Variants in SLC25A26 observed in about 807,000 individuals in gnomAD.
SLC25A26 encodes mitochondrial S-adenosylmethionine carrier protein.
SLC25A26 carries 36 observed loss-of-function variants against 37.8 expected under a neutral mutation model. That is an observed-to-expected ratio of 0.95 (90% CI 0.73 to 1.26). The LOEUF (loss-of-function observed/expected upper bound fraction) is 1.26. Among genes scored for constraint, SLC25A26 ranks in the 50% most tolerant of loss-of-function variants. SLC25A26 has a pLI of 0.00. For missense variants in SLC25A26, 390 were observed against 331.1 expected (o/e 1.18, Z -1.38); for synonymous variants, 129 against 122.5 (o/e 1.05, Z -0.35).
At chr3:66,138,311 A>C (rs1217900572) in intron 1 of SLC25A26, among the ~76,000 whole-genome samples, 1 of 152,172 alleles carries the variant, frequency 6.6e-6, no homozygotes, top group Non-Finnish European at 1.5e-5. Context: ...GAAGAAAAAA[A>C]TCATCCCACA....
At chr3:66,370,936 A>G (rs898159721) in intron 9 of SLC25A26, among the ~76,000 whole-genome samples, 1 of 152,188 alleles carries the variant, frequency 6.6e-6, no homozygotes, top group African/African-American at 2.4e-5. Flanking sequence ...TGAAGGGAAC[A>G]TTGTTAGAAG....
At chr3:66,331,309 G>T (rs748214288) in intron 5 of SLC25A26, among the ~76,000 whole-genome samples, 1 of 152,026 alleles carries the variant, frequency 6.6e-6, no homozygotes, top group Non-Finnish European at 1.5e-5. Context: ...TCCCTAGGTA[G>T]TTTGAATTTG....
intron 5 of SLC25A26, among the ~76,000 whole-genome samples, chr3:66,285,947 C>T (rs2074498861): frequency 6.6e-6 from 1 of 152,186 alleles, no homozygotes; most frequent in Non-Finnish European, 1.5e-5. Flanking sequence ...TTTTAATTTT[C>T]AGTTCCCTAA....
chr3:66,273,223 A>G (rs568092462), intron 5 of SLC25A26, among the ~76,000 whole-genome samples: 30 of 152,118 alleles, frequency 2.0e-4, no homozygotes, highest in Admixed American at 1.3e-3. Flanking sequence ...TTTTGCGTCA[A>G]TGTGCATCAA....
chr3:66,176,146 A>G (rs2070583722), intron 1 of SLC25A26, among the ~76,000 whole-genome samples: 1 of 152,158 alleles, frequency 6.6e-6, no homozygotes, highest in South Asian at 2.1e-4. Context: ...TGAAATTGGT[A>G]CCCTACCCAG....
chr3:66,345,535 C>T (rs114616249), intron 5 of SLC25A26, among the ~76,000 whole-genome samples: 7,181 of 150,490 alleles, frequency 0.048, 227 homozygotes, highest in Non-Finnish European at 0.073. Context: ...TCCCCTCCTT[C>T]CTGCTTCCTT....
intron 7 of SLC25A26, among the ~76,000 whole-genome samples, chr3:66,363,304 A>T (rs1291163913): frequency 6.6e-6 from 1 of 152,166 alleles, no homozygotes; most frequent in Non-Finnish European, 1.5e-5. Flanking sequence ...GGTTTAAGCG[A>T]TTTCTGCAGA....
At chr3:66,272,997 C>G (rs1341368771) in intron 5 of SLC25A26, among the ~76,000 whole-genome samples, 3 of 152,122 alleles carry the variant, frequency 2.0e-5, no homozygotes, top group Non-Finnish European at 4.4e-5. Flanking sequence ...GAGTTTTTAG[C>G]ATGAAGGGTT....
At chr3:66,367,707 CAGAGAGAGAG>C (rs71616221) in intron 7 of SLC25A26, among the ~76,000 whole-genome samples, 24 of 136,836 alleles carry the variant, frequency 1.8e-4, no homozygotes, top group Admixed American at 3.5e-4. Context: ...CAGACAGACA[CAGAGAGAGAG>C]AGAGAGAGAG....
At chr3:66,370,029 C>A (rs937857327) in intron 8 of SLC25A26, among the ~76,000 whole-genome samples, 6 of 152,050 alleles carry the variant, frequency 3.9e-5, no homozygotes, top group African/African-American at 1.4e-4. Flanking sequence ...CTGAACTGAA[C>A]CAAAACAAAA....
At position 66,340,953 on chromosome 3, in the gene SLC25A26, A is replaced by ATG. The variant is rs142179974; in HGVS notation, c.454-5397_454-5396dup. On this transcript the variant is annotated intron_variant, in intron 5 of 9. Coordinates refer to ENST00000354883, the MANE Select transcript of SLC25A26 (RefSeq NM_001379210.1). ...AGAAATTCTGTTGGAGAGAGAGAGAATGTGTGTGTGTGTGTTGATTCCTTA... is the reference window on the plus strand; with the variant it reads ...AGAAATTCTGTTGGAGAGAGAGAGAATGTGTGTGTGTGTGTGTTGATTCCTTA... Among the ~76,000 whole-genome samples the ATG allele has an allele frequency of 8.5e-3, 1,294 of 151,564 alleles. 11 individuals are homozygous for ATG. Among genetic ancestry groups the ATG allele is most frequent in the African/African-American group, 0.028 (1,160 of 41,416 alleles).
intron 1 of SLC25A26, among the ~76,000 whole-genome samples, chr3:66,201,656 A>G (rs2071111774): frequency 6.6e-6 from 1 of 152,218 alleles, no homozygotes; most frequent in Non-Finnish European, 1.5e-5. Flanking sequence ...CTAGATAGAT[A>G]GACTCTGTTT....
At chr3:66,266,765 A>C (rs572527907) in intron 5 of SLC25A26, among the ~76,000 whole-genome samples, 1 of 152,086 alleles carries the variant, frequency 6.6e-6, no homozygotes, top group Non-Finnish European at 1.5e-5. Context: ...GATGTGGTCA[A>C]GCATGCTGGT....
rs148180995 is a variant in SLC25A26 at position 66,326,382 on chromosome 3, G to A, written c.454-19982G>A. Among the ~76,000 whole-genome samples, 1,073 of 152,318 alleles carry A rather than the reference G, an allele frequency of 7.0e-3. 10 individuals are homozygous for A. The highest frequency in any genetic ancestry group is 0.023 in the African/African-American group (964 of 41,574). The stretch of plus-strand genomic sequence containing the variant: ...TGAGGAGATGCATCCTCCCAAAGTG[G>A]CTCTTCTTCCTGAGGAGGGGTTGCC... On this transcript the variant is annotated intron_variant, in intron 5 of 9. Coordinates refer to ENST00000354883, the MANE Select transcript of SLC25A26 (RefSeq NM_001379210.1).
At chr3:66,220,237 C>A (rs1018265572), upstream of SLC25A26, among the ~76,000 whole-genome samples, 3 of 152,172 alleles carry the variant, frequency 2.0e-5, no homozygotes, top group African/African-American at 7.2e-5. Flanking sequence ...TTGCTGACAT[C>A]ATAGGGTTGG....
chr3:66,240,983 G>A (rs529435911), intron 2 of SLC25A26, among the ~76,000 whole-genome samples: 120 of 151,904 alleles, frequency 7.9e-4, no homozygotes, highest in Middle Eastern at 3.4e-3. Flanking sequence ...TCCTGACCTC[G>A]TGATCCACCT....
At chr3:66,234,603 C>T (rs986640359) in intron 1 of SLC25A26, among the ~76,000 whole-genome samples, 2 of 152,004 alleles carry the variant, frequency 1.3e-5, no homozygotes, top group Non-Finnish European at 2.9e-5. Context: ...TAATAATTAA[C>T]CTGTGCTAGT....
rs782594932 is a variant in SLC25A26, at chr3:66,243,190, T to C, written c.191-13T>C. 24 of 1,460,836 alleles carry C rather than the reference T, an allele frequency of 1.6e-5. No homozygotes were observed. In the South Asian group the frequency reaches 1.9e-4, roughly 12 times the overall value. The allele number at this position is 1,460,836 out of a possible 1,614,324, so 90.5% of individuals were successfully genotyped here. On this transcript the variant is annotated splice_polypyrimidine_tract_variant and intron_variant, in intron 2 of 9. Coordinates refer to ENST00000354883, the MANE Select transcript of SLC25A26 (RefSeq NM_001379210.1). ...TTAAACTTTGTGAAAGACTGGCTTGTTTTAAATTTCAGCTGCTGCATTTTT... is the reference window on the plus strand; with the variant it reads ...TTAAACTTTGTGAAAGACTGGCTTGCTTTAAATTTCAGCTGCTGCATTTTT...
At chr3:66,231,763 ATTTTTTTTT>A (rs377239684) in intron 1 of SLC25A26, among the ~76,000 whole-genome samples, 1 of 137,912 alleles carries the variant, frequency 7.3e-6, no homozygotes, top group Admixed American at 7.4e-5. Flanking sequence ...GGTTTACCTC[ATTTTTTTTT>A]TTTTTTTGAT....
Sources: gnomAD v4.1 joint callset for allele counts (sites outside exome capture counted in the v4.1 genomes callset) on GRCh38, gnomAD v4.1.1 for gene constraint, MANE v1.5 for transcripts, NCBI Gene and HGNC (gene_info 2026-07-23, HGNC 2026-07-21) for gene names.